The following FBXL17 variants were observed in gnomAD, a reference collection of about 807,000 sequenced individuals.
FBXL17 encodes F-box/LRR-repeat protein 17.
A neutral mutation model predicts 66.2 loss-of-function variants in FBXL17; 22 were observed. That is an observed-to-expected ratio of 0.33 (90% CI 0.24 to 0.47). The LOEUF is 0.47. Ranked by LOEUF, FBXL17 falls within the 20% of genes least tolerant of loss-of-function variation. FBXL17 has a pLI of 1.00. For synonymous variants in FBXL17, 474 were observed against 400.5 expected, an observed-to-expected ratio of 1.18 and a Z score of -2.19; for missense variants, 878 against 948.2, an observed-to-expected ratio of 0.93 and a Z score of 0.97.
chr5:108,340,425 T>C (rs941425845), intron 4 of FBXL17, among the ~76,000 whole-genome samples: 1 of 150,786 alleles, frequency 6.6e-6, no homozygotes, highest in African/African-American at 2.4e-5. Context: ...TTAAATTAAA[T>C]TGGATCTTTC....
intron 6 of FBXL17, among the ~76,000 whole-genome samples, chr5:108,150,049 C>T (rs763923262): frequency 6.6e-6 from 1 of 152,152 alleles, no homozygotes; most frequent in Non-Finnish European, 1.5e-5. Flanking sequence ...TAACATTTCA[C>T]CACATTTGCT....
At chr5:108,002,665 G>T (rs1753780852) in intron 7 of FBXL17, among the ~76,000 whole-genome samples, 1 of 152,040 alleles carries the variant, frequency 6.6e-6, no homozygotes, top group South Asian at 2.1e-4. Flanking sequence ...AAAAAAAGTG[G>T]TATAGCCATA....
chr5:107,885,919 C>T (rs895503840), intron 7 of FBXL17, among the ~76,000 whole-genome samples: 2 of 149,124 alleles, frequency 1.3e-5, no homozygotes, highest in Admixed American at 1.3e-4. Flanking sequence ...ACTCTCTGAA[C>T]CATAATAATG....
At chr5:108,184,516 C>G (rs896547694) in intron 6 of FBXL17, among the ~76,000 whole-genome samples, 2 of 151,888 alleles carry the variant, frequency 1.3e-5, no homozygotes, top group Non-Finnish European at 2.9e-5. Flanking sequence ...ACCATGTTAG[C>G]CAGGATGGTC....
At chr5:107,937,100 A>G (rs755160367) in intron 7 of FBXL17, among the ~76,000 whole-genome samples, 2 of 152,176 alleles carry the variant, frequency 1.3e-5, no homozygotes, top group South Asian at 4.1e-4. Flanking sequence ...GAAAGTCAAG[A>G]TAAAACCTGG....
intron 4 of FBXL17, among the ~76,000 whole-genome samples, chr5:108,239,791 C>T (rs1195078917): frequency 6.6e-6 from 1 of 151,860 alleles, no homozygotes; most frequent in Admixed American, 6.6e-5. Context: ...CTTGCAGCTC[C>T]AGGAGAGACT....
At chr5:107,903,379 A>C (rs2112535505) in intron 7 of FBXL17, among the ~76,000 whole-genome samples, 1 of 152,322 alleles carries the variant, frequency 6.6e-6, no homozygotes, top group Non-Finnish European at 1.5e-5. Flanking sequence ...TACTTGAAAC[A>C]GTATCTCATC....
chr5:107,890,727 C>T (rs1749172333), intron 7 of FBXL17, among the ~76,000 whole-genome samples: 2 of 151,124 alleles, frequency 1.3e-5, no homozygotes, highest in Admixed American at 6.6e-5. Context: ...TTTCAGTGAA[C>T]ACCACTTAAA....
chr5:108,298,911 G>GCACACTGATTTAA (rs1758460676), intron 4 of FBXL17: 1 of 938,978 alleles, frequency 1.1e-6, no homozygotes, highest in African/African-American at 1.8e-5. Context: ...CACATTAAAA[G>GCACACTGATTTAA]TATAGCACAC....
At chr5:108,264,641 T>C (rs971667420) in intron 4 of FBXL17, among the ~76,000 whole-genome samples, 12 of 152,104 alleles carry the variant, frequency 7.9e-5, no homozygotes, top group Non-Finnish European at 1.5e-4. Flanking sequence ...TTAGGAAGTA[T>C]TCAGAATTTT....
chr5:108,277,913 G>A (rs535754081), intron 4 of FBXL17, among the ~76,000 whole-genome samples: 8 of 152,302 alleles, frequency 5.3e-5, no homozygotes, highest in African/African-American at 1.9e-4. Context: ...TTTCAAGATA[G>A]TTGACTAGAA....
chr5:108,262,613 A>G (rs1230863788), intron 4 of FBXL17, among the ~76,000 whole-genome samples: 1 of 152,274 alleles, frequency 6.6e-6, no homozygotes, highest in Admixed American at 6.5e-5. Flanking sequence ...GTGTAAAACT[A>G]TACAGCTCAT....
chr5:108,246,170 C>A (rs1026349994), intron 4 of FBXL17, among the ~76,000 whole-genome samples: 3 of 152,110 alleles, frequency 2.0e-5, no homozygotes, highest in African/African-American at 7.2e-5. Flanking sequence ...ATCTCTCCCC[C>A]CTCCTCATAA....
chr5:107,907,954 C>T (rs1749819876), intron 7 of FBXL17, among the ~76,000 whole-genome samples: 1 of 152,146 alleles, frequency 6.6e-6, no homozygotes, highest in Non-Finnish European at 1.5e-5. Context: ...GATATATACC[C>T]AAAGGACTAT....
At chr5:108,048,798 T>C (rs909610715) in intron 6 of FBXL17, among the ~76,000 whole-genome samples, 1 of 151,948 alleles carries the variant, frequency 6.6e-6, no homozygotes, top group Non-Finnish European at 1.5e-5. Flanking sequence ...CTGAGAAATA[T>C]GGGACTACGT....
At chr5:108,209,566 A>G (rs147859515) in intron 5 of FBXL17, among the ~76,000 whole-genome samples, 33 of 152,288 alleles carry the variant, frequency 2.2e-4, no homozygotes, top group African/African-American at 5.8e-4. Context: ...TATTGAGATA[A>G]TCATGTGTTT....
chr5:107,890,085 C>T (rs1043682287), intron 7 of FBXL17, among the ~76,000 whole-genome samples: 1 of 152,042 alleles, frequency 6.6e-6, no homozygotes, highest in Non-Finnish European at 1.5e-5. Context: ...CGCTGAGAAC[C>T]TAAAGTCCCT....
At position 108,278,435 on chromosome 5, in the gene FBXL17, G is replaced by C. The variant is rs566397822; in HGVS notation, c.1507-54207C>G. 3.3e-5 allele frequency among the ~76,000 whole-genome samples: 5 copies of C among 152,348 alleles called. No individual in the cohort carries two copies. In the East Asian group the frequency reaches 9.7e-4, roughly 29 times the overall value. On this transcript the variant is annotated intron_variant, in intron 4 of 8. Transcript: ENST00000542267. The stretch of plus-strand genomic sequence containing the variant: ...TGCAGAACAGAGGCACAAGTCAGGG[G>C]TGGACTCCTGCAAACAGGACTGAGA...
intron 7 of FBXL17, among the ~76,000 whole-genome samples, chr5:108,001,165 C>T (rs188888463): frequency 2.0e-5 from 3 of 152,120 alleles, no homozygotes; most frequent in East Asian, 3.9e-4. Context: ...CGTTGCTAGC[C>T]GTGTAATTTA....
Sources: gnomAD v4.1 joint callset for allele counts (sites outside exome capture counted in the v4.1 genomes callset) on GRCh38, gnomAD v4.1.1 for gene constraint, MANE v1.5 for transcripts, NCBI Gene and HGNC (gene_info 2026-07-23, HGNC 2026-07-21) for gene names.